FYB1: variants seen among roughly 807,000 people sequenced by gnomAD.
The protein encoded by FYB1 is FYN-binding protein 1.
In FYB1, 41 loss-of-function variants were observed where a neutral mutation model predicts 94.1. The observed-to-expected ratio is 0.44, with a 90% CI of 0.34 to 0.57. The LOEUF is 0.57. Among genes scored for constraint, FYB1 ranks in the 20% least tolerant of loss-of-function variants. The pLI is 0.02. For synonymous variants in FYB1, 367 were observed against 353.2 expected, an observed-to-expected ratio of 1.04 and a Z score of -0.44; for missense variants, 1,050 against 976.8, an observed-to-expected ratio of 1.07 and a Z score of -1.00.
At position 39,119,596 on chromosome 5, in the gene FYB1, T is replaced by G; in HGVS notation, c.2177A>C (p.Lys726Thr). Reference protein sequence around the residue: ...TNVGKAKTEEKDLKKLKKQEK... With the variant: ...TNVGKAKTEETDLKKLKKQEK... ...CTGCTTTTTTAGCTTCTTAAGGTCC[T>G]TTTCTTCTGTCTTAGCTTTTCCAAC... The change falls in exon 15 of 19, where the codon AAG becomes ACG. Residue 726 changes from lysine to threonine, a missense_variant. By Grantham distance (78) the Lys-to-Thr change is moderately conservative. Coordinates refer to ENST00000512982, the MANE Select transcript of FYB1 (RefSeq NM_001465.6). 1 of 1,549,390 alleles carries G rather than the reference T, an allele frequency of 6.5e-7. No individual in the cohort carries two copies.
In FYB1 at chr5:39,126,003, A is replaced by G. The variant is rs968169834; in HGVS notation, c.2040T>C (p.Gly680=). ...TTTGGTTGGTTGACTCTTACGATGA[A>G]CCTTCATTATTGTCTGAGTCAGAGA... is the stretch of plus-strand genomic sequence containing the variant. The part of the protein sequence containing the change: ...PKVSDSDNNE[G]SSFPAPPKQL... Residue 680 remains glycine (G), a synonymous_variant, in exon 12 of 19, where the codon GGT becomes GGC. Transcript: ENST00000512982. 1.9e-6 allele frequency: 3 copies of G among 1,612,874 alleles called. No individual in the cohort carries two copies. The highest frequency in any genetic ancestry group is 2.5e-6 in the Non-Finnish European group (3 of 1,179,488).
chr5:39,173,934 TTG>T (rs1561212483), intron 2 of FYB1, among the ~76,000 whole-genome samples: 1 of 152,218 alleles, frequency 6.6e-6, no homozygotes, highest in African/African-American at 2.4e-5. Flanking sequence ...AGTCTTTTTT[TTG>T]ATTCCAGATG....
intron 2 of FYB1, among the ~76,000 whole-genome samples, chr5:39,195,157 C>CT (rs1747720607): frequency 6.6e-6 from 1 of 152,168 alleles, no homozygotes; most frequent in African/African-American, 2.4e-5. Flanking sequence ...GGGATCTCTT[C>CT]TTTTTGTATC....
intron 16 of FYB1, among the ~76,000 whole-genome samples, chr5:39,114,039 G>GA (rs993932352): frequency 1.6e-4 from 24 of 149,582 alleles, no homozygotes; most frequent in African/African-American, 2.5e-4. Context: ...TTTTAAAATT[G>GA]AAAAAAAAAT....
intron 2 of FYB1, among the ~76,000 whole-genome samples, chr5:39,188,258 G>C (rs1747025655): frequency 6.6e-6 from 1 of 151,844 alleles, no homozygotes; most frequent in Non-Finnish European, 1.5e-5. Flanking sequence ...TTAGATATTT[G>C]AGTAACACCT....
intron 1 of FYB1, among the ~76,000 whole-genome samples, chr5:39,217,048 C>T (rs758916926): frequency 4.6e-5 from 7 of 152,182 alleles, no homozygotes; most frequent in Non-Finnish European, 1.0e-4. Context: ...TCCTTGACTT[C>T]CAGAGCTTCC....
At chr5:39,153,633 A>T (rs780226272) in intron 2 of FYB1, 29 bp from the exon 3 acceptor site, 6 of 1,563,576 alleles carry the variant, frequency 3.8e-6, no homozygotes, top group Non-Finnish European at 5.2e-6. Flanking sequence ...AATACCATGA[A>T]TTAAGACAAA....
chr5:39,160,142 T>A (rs1020319063), intron 2 of FYB1, among the ~76,000 whole-genome samples: 1 of 152,230 alleles, frequency 6.6e-6, no homozygotes, highest in Non-Finnish European at 1.5e-5. Flanking sequence ...CCAGTTTTTA[T>A]TACTCAATAT....
At chr5:39,200,715 TG>T (rs1194349864) in intron 2 of FYB1, among the ~76,000 whole-genome samples, 2 of 152,172 alleles carry the variant, frequency 1.3e-5, no homozygotes, top group African/African-American at 4.8e-5. Flanking sequence ...AGGAGAATAC[TG>T]AACTCAGGAA....
intron 16 of FYB1, among the ~76,000 whole-genome samples, chr5:39,115,548 G>A (rs1284980807): frequency 6.6e-6 from 1 of 152,048 alleles, no homozygotes; most frequent in Non-Finnish European, 1.5e-5. Context: ...AATAATATTT[G>A]GGTAACATTG....
intron 17 of FYB1, 27 bp downstream of exon 17, chr5:39,110,329 C>CATAG: frequency 6.6e-7 from 1 of 1,513,018 alleles, no homozygotes; most frequent in Non-Finnish European, 9.1e-7. Flanking sequence ...TTTTCACAAG[C>CATAG]ATAGTAGTAG....
At position 39,236,092 on chromosome 5, in the gene FYB1, A is replaced by G. The variant is rs996809165; in HGVS notation, c.-27-33105T>C. ...TTTTAGTTTTCTAAACCTCTCAGAT[A>G]CTAGATAAATTCTAGGTGTGCCACA... On this transcript the variant is annotated intron_variant, in intron 1 of 1. Transcript: ENST00000510188. Among the ~76,000 whole-genome samples, 6 of 152,130 alleles carry G rather than the reference A, an allele frequency of 3.9e-5. No individual in the cohort carries two copies. The East Asian group carries it at 7.7e-4, about 20-fold the overall frequency.
intron 3 of FYB1, among the ~76,000 whole-genome samples, chr5:39,142,040 T>A (rs941533015): frequency 6.6e-6 from 1 of 152,158 alleles, no homozygotes; most frequent in Non-Finnish European, 1.5e-5. Flanking sequence ...GCCTTACAAA[T>A]CCCTAATTAT....
At chr5:39,170,436 G>T in intron 2 of FYB1, 1 of 432,414 alleles carries the variant, frequency 2.3e-6, no homozygotes, top group East Asian at 4.1e-5. Context: ...AGCAGACCTG[G>T]AGGGGGCCCA....
At chr5:39,206,476 G>C (rs1748868402) in intron 1 of FYB1, among the ~76,000 whole-genome samples, 1 of 152,074 alleles carries the variant, frequency 6.6e-6, no homozygotes, top group Non-Finnish European at 1.5e-5. Flanking sequence ...ATTGTAGATT[G>C]AATATCTATT....
At chr5:39,270,242 A>T (rs149100811) in intron 1 of FYB1, among the ~76,000 whole-genome samples, 64 of 152,344 alleles carry the variant, frequency 4.2e-4, no homozygotes, top group African/African-American at 1.5e-3. Flanking sequence ...AACTGCTCAT[A>T]ACAGGAAACT....
intron 1 of FYB1, among the ~76,000 whole-genome samples, chr5:39,248,205 A>C (rs1218026097): frequency 2.0e-5 from 3 of 152,190 alleles, no homozygotes; most frequent in African/African-American, 7.2e-5. Flanking sequence ...TAACCATATA[A>C]ATTAAGCTTC....
intron 2 of FYB1, among the ~76,000 whole-genome samples, chr5:39,162,452 C>T (rs571799979): frequency 2.0e-5 from 3 of 152,070 alleles, no homozygotes; most frequent in South Asian, 2.1e-4. Context: ...TTTGGGAGGC[C>T]GAGGTGGGCA....
At chr5:39,265,535 T>A (rs1037281783) in intron 1 of FYB1, among the ~76,000 whole-genome samples, 2 of 143,226 alleles carry the variant, frequency 1.4e-5, no homozygotes, top group Non-Finnish European at 3.0e-5. Flanking sequence ...TGGGCACCTG[T>A]AATCCCAGCT....
Sources: allele counts gnomAD v4.1 joint callset (sites outside exome capture counted in the v4.1 genomes callset), GRCh38; gene constraint gnomAD v4.1.1; transcripts MANE v1.5; gene names NCBI Gene and HGNC (gene_info 2026-07-23, HGNC 2026-07-21).